SAFB2: variants seen among roughly 807,000 people sequenced by gnomAD.
SAFB2 encodes the protein scaffold attachment factor B2.
SAFB2 carries 32 observed loss-of-function variants against 100.6 expected under a neutral mutation model. The ratio of observed to expected loss-of-function variants is 0.32; its 90% CI spans 0.24 to 0.43. The LOEUF (loss-of-function observed/expected upper bound fraction) is 0.43. Ranked by LOEUF, SAFB2 falls within the 20% of genes least tolerant of loss-of-function variation. SAFB2 has a pLI of 1.00. For synonymous variants in SAFB2, 500 were observed against 439.4 expected, an observed-to-expected ratio of 1.14 and a Z score of -1.72; for missense variants, 1,185 against 1,163.4, an observed-to-expected ratio of 1.02 and a Z score of -0.27.
chr19:5,616,159 C>T lies in SAFB2; in HGVS notation c.516G>A (p.Gln172=), dbSNP rs766983820. ...CATGCTCTGGGGGCTGAGCCGGGAG[C>T]TGTCTCAGCTGTGCAGCCACGTATT... ...SKEYVAAQLR[Q]LPAQPPEHAV... The change falls in exon 4 of 21, where the codon CAG becomes CAA. Residue 172 remains glutamine (Q), a synonymous_variant. Transcript: ENST00000252542. 28 of 1,614,100 alleles carry T rather than the reference C, an allele frequency of 1.7e-5. No individual in the cohort carries two copies. Among genetic ancestry groups the T allele is most frequent in the Non-Finnish European group, 2.2e-5 (26 of 1,180,050 alleles).
At chr19:5,609,093 A>C (rs2052845907) in intron 9 of SAFB2, among the ~76,000 whole-genome samples, 1 of 151,366 alleles carries the variant, frequency 6.6e-6, no homozygotes, top group Non-Finnish European at 1.5e-5. Context: ...AACAAACAAA[A>C]AAAGAAGACT....
Position 5,595,407 on chromosome 19 carries a change from G to C in SAFB2, c.1873C>G (p.Arg625Gly). The C allele has an allele frequency of 6.2e-7, 1 of 1,613,098 alleles. No homozygotes were observed. Residue 625 changes from arginine (R) to glycine (G), a missense_variant, in exon 14 of 21, where the codon CGC becomes GGC. Physicochemically the swap from Arg to Gly is moderately radical, Grantham distance 125. Coordinates refer to ENST00000252542, the MANE Select transcript of SAFB2 (RefSeq NM_014649.3). ...DKIKEQRERE[R>G]QRQREREIRE... ...ATCTCCCGTTCCCGCTGCCTCTGGC[G>C]CTCTCTCTCCCTTTGTTCTTTGATT... is the stretch of plus-strand genomic sequence containing the variant.
chr19:5,609,165 C>T (rs1210899580), intron 9 of SAFB2, among the ~76,000 whole-genome samples: 1 of 151,836 alleles, frequency 6.6e-6, no homozygotes, highest in Non-Finnish European at 1.5e-5. Flanking sequence ...TGGAAAGCTG[C>T]TGAATTGTAC....
chr19:5,593,841 A>G, intron 15 of SAFB2, 50 bp downstream of exon 15: 1 of 1,399,596 alleles, frequency 7.1e-7, no homozygotes, highest in Non-Finnish European at 9.3e-7. Context: ...AAGGGTGAAC[A>G]CCGCTGCCAC....
intron 13 of SAFB2, among the ~76,000 whole-genome samples, chr19:5,596,158 G>A (rs1370946484): frequency 6.6e-6 from 1 of 152,244 alleles, no homozygotes; most frequent in African/African-American, 2.4e-5. Flanking sequence ...AGCTACTTAA[G>A]AGGCTGAAGC....
chr19:5,606,519 C>T (rs2052777904), intron 9 of SAFB2, among the ~76,000 whole-genome samples: 1 of 152,116 alleles, frequency 6.6e-6, no homozygotes, highest in Non-Finnish European at 1.5e-5. Context: ...CTCAGCTACT[C>T]AGGAGGCTGA....
At chr19:5,599,049 G>C (rs560699095) in intron 12 of SAFB2, among the ~76,000 whole-genome samples, 165 bp from the exon 13 acceptor site, 1 of 152,162 alleles carries the variant, frequency 6.6e-6, no homozygotes, top group East Asian at 1.9e-4. Flanking sequence ...GAGCAACACG[G>C]TAACACGGGC....
intron 13 of SAFB2, among the ~76,000 whole-genome samples, chr19:5,597,320 G>C (rs1199575176): frequency 6.6e-6 from 1 of 152,146 alleles, no homozygotes; most frequent in African/African-American, 2.4e-5. Flanking sequence ...AATCCAGCAA[G>C]TTTGGAAGAT....
chr19:5,605,384 C>A (rs961292584), intron 9 of SAFB2, among the ~76,000 whole-genome samples: 1 of 152,150 alleles, frequency 6.6e-6, no homozygotes, highest in African/African-American at 2.4e-5. Context: ...GGATTACAGG[C>A]ATGAGACACC....
chr19:5,598,753 GAGA>G (rs2052588137), intron 13 of SAFB2, 37 bp downstream of exon 13: 2 of 1,572,226 alleles, frequency 1.3e-6, no homozygotes, highest in East Asian at 4.5e-5. Context: ...GAGCCATCGT[GAGA>G]AACAGCTGGC....
chr19:5,595,563 T>C, intron 13 of SAFB2, 66 bp from the exon 14 acceptor site: 2 of 1,574,970 alleles, frequency 1.3e-6, no homozygotes, highest in Non-Finnish European at 1.7e-6. Context: ...ATGGAGATTA[T>C]GCACGTGTGC....
chr19:5,597,442 G>A (rs2052556377), intron 13 of SAFB2, among the ~76,000 whole-genome samples: 1 of 151,670 alleles, frequency 6.6e-6, no homozygotes, highest in Non-Finnish European at 1.5e-5. Flanking sequence ...ATATGTAAAA[G>A]CGAAAAGAAA....
At chr19:5,588,016 G>C (rs1314554409) in intron 18 of SAFB2, 36 bp from the exon 19 acceptor site, 1 of 1,578,412 alleles carries the variant, frequency 6.3e-7, no homozygotes, top group Admixed American at 1.8e-5. Context: ...GCCATCTAAT[G>C]AGCCTCCAGG....
At chr19:5,613,697 A>G in intron 4 of SAFB2, 170 bp from the exon 5 acceptor site, 1 of 985,052 alleles carries the variant, frequency 1.0e-6, no homozygotes, top group Non-Finnish European at 1.2e-6. Flanking sequence ...CAGAACACAC[A>G]CTCCACGACT....
intron 18 of SAFB2, chr19:5,588,880 A>T (rs367620601): frequency 6.6e-5 from 10 of 152,376 alleles, no homozygotes; most frequent in African/African-American, 2.4e-4. Context: ...ACTTAAAGAA[A>T]GCTATTTGTT....
At chr19:5,612,341 T>A (rs938475101) in intron 6 of SAFB2, 199 bp downstream of exon 6, 5 of 611,190 alleles carry the variant, frequency 8.2e-6, no homozygotes, top group Non-Finnish European at 1.4e-5. Context: ...CCAAATGTAT[T>A]TGACCTCAAG....
At chr19:5,616,382 G>A in intron 3 of SAFB2, 40 bp downstream of exon 3, 1 of 1,613,904 alleles carries the variant, frequency 6.2e-7, no homozygotes, top group South Asian at 1.1e-5. Context: ...GACCAGGACA[G>A]GGAGCTGCTG....
rs1250750163 is a variant in SAFB2 at position 5,609,984 on chromosome 19, G to A, written c.1296+11C>T. On this transcript the variant is annotated intron_variant, in intron 9 of 20. Transcript: ENST00000252542. ...ATCACAGTGGATGGTATGAGGCAAG[G>A]GAAGGCATACCTTCCCATACTTGCT... 9.3e-6 allele frequency: 15 copies of A among 1,610,408 alleles called. No homozygotes were observed. Among genetic ancestry groups the A allele is most frequent in the Non-Finnish European group, 1.3e-5 (15 of 1,177,046 alleles).
chr19:5,603,545 C>A (rs919496640), intron 11 of SAFB2, among the ~76,000 whole-genome samples: 1 of 152,206 alleles, frequency 6.6e-6, no homozygotes. Flanking sequence ...TCTGTCCCTA[C>A]CTCCATTTTG....
Sources: gnomAD v4.1 joint callset for allele counts (sites outside exome capture counted in the v4.1 genomes callset) on GRCh38, gnomAD v4.1.1 for gene constraint, MANE v1.5 for transcripts, NCBI Gene and HGNC (gene_info 2026-07-23, HGNC 2026-07-21) for gene names.